Variants in MYO5C observed in about 807,000 individuals in gnomAD.
The protein encoded by MYO5C is myosin VC.
In MYO5C, 194 loss-of-function variants were observed where a neutral mutation model predicts 235.7. The observed-to-expected ratio is 0.82, with a 90% CI of 0.73 to 0.93. The LOEUF is 0.93. Ranked by LOEUF, MYO5C falls within the 40% of genes least tolerant of loss-of-function variation. MYO5C has a pLI of 0.00. For synonymous variants in MYO5C, 707 were observed against 754.8 expected (o/e 0.94, Z 1.04); for missense variants, 2,038 against 2,127.2 (o/e 0.96, Z 0.82).
intron 24 of MYO5C, among the ~76,000 whole-genome samples, chr15:52,231,972 C>T (rs577355168): frequency 2.0e-5 from 3 of 152,088 alleles, no homozygotes; most frequent in Non-Finnish European, 2.9e-5. Flanking sequence ...GACAAACTAA[C>T]AAGGACAATA....
chr15:52,257,425 A>T (rs1052290459), intron 10 of MYO5C, among the ~76,000 whole-genome samples: 1 of 152,204 alleles, frequency 6.6e-6, no homozygotes, highest in Non-Finnish European at 1.5e-5. Context: ...CTCCTGCCGG[A>T]TGTAGCCATG....
intron 1 of MYO5C, among the ~76,000 whole-genome samples, chr15:52,285,428 TCTCC>T (rs1566995051): frequency 1.8e-5 from 2 of 110,568 alleles, no homozygotes; most frequent in Admixed American, 1.6e-4. Context: ...CTCCTCTCCC[TCTCC>T]CTCTCCCTCT....
At position 52,289,700 on chromosome 15, in the gene MYO5C, ACT is replaced by A. The variant is rs1050734898; in HGVS notation, c.27+5908_27+5909del. ...GCACGAGGTTTCTTTGGGCAGACAG[ACT>A]CTCTCATCCGTACTTGATTGGAATT... is the stretch of plus-strand genomic sequence containing the variant. On this transcript the variant is annotated intron_variant, in intron 1 of 40. Transcript: ENST00000261839. 4.0e-5 allele frequency among the ~76,000 whole-genome samples: 6 copies of A among 151,080 alleles called. 1 individual carries two copies. The highest frequency in any genetic ancestry group is 3.0e-5 in the Non-Finnish European group (2 of 67,782).
chr15:52,245,612 G>C, intron 17 of MYO5C, 147 bp from the exon 18 acceptor site: 1 of 674,036 alleles, frequency 1.5e-6, no homozygotes, highest in African/African-American at 1.8e-5. Flanking sequence ...TTGATACCCT[G>C]CCTGCCTGGG....
At chr15:52,270,004 T>C in intron 7 of MYO5C, 144 bp from the exon 8 acceptor site, 1 of 624,684 alleles carries the variant, frequency 1.6e-6, no homozygotes, top group Non-Finnish European at 2.8e-6. Context: ...GAACTCTGCA[T>C]TACAGCCAGG....
At position 52,279,015 on chromosome 15, in the gene MYO5C, T is replaced by C; in HGVS notation, c.307A>G (p.Ile103Val). Residue 103 changes from isoleucine to valine, a missense_variant and splice_region_variant, in exon 4 of 41, where the codon ATC becomes GTC. Physicochemically the swap from Ile to Val is conservative, Grantham distance 29 (BLOSUM62 3). Transcript: ENST00000261839. The part of the protein sequence containing the change: ...ESKLIYTYSG[I>V]ILVAMNPYKQ... ...TAAGGATTCATGGCCACCAAAATGATTCCTGGGGAAAGATGTTAGATGCAG... is the reference window on the plus strand; with the variant it reads ...TAAGGATTCATGGCCACCAAAATGACTCCTGGGGAAAGATGTTAGATGCAG... The C allele has an allele frequency of 6.2e-7, 1 of 1,611,418 alleles. No homozygotes were observed. Among genetic ancestry groups the C allele is most frequent in the Non-Finnish European group, 8.5e-7 (1 of 1,177,888 alleles).
At chr15:52,239,043 C>T (rs575645993) in intron 21 of MYO5C, among the ~76,000 whole-genome samples, 67 of 152,106 alleles carry the variant, frequency 4.4e-4, no homozygotes, top group Non-Finnish European at 8.2e-4. Flanking sequence ...CCTCTGCCTC[C>T]CAGGTTCAAG....
intron 8 of MYO5C, among the ~76,000 whole-genome samples, chr15:52,264,783 G>A (rs2036767398): frequency 6.6e-6 from 1 of 152,192 alleles, no homozygotes; most frequent in Non-Finnish European, 1.5e-5. Flanking sequence ...GCCTTTGGTT[G>A]GGTTTGATTC....
chr15:52,237,774 T>C (rs921214323), intron 21 of MYO5C, 128 bp from the exon 22 acceptor site: 3 of 812,490 alleles, frequency 3.7e-6, no homozygotes, highest in African/African-American at 3.4e-5. Flanking sequence ...CACTTATCAC[T>C]GCACTGACAT....
chr15:52,202,308 C>T (rs7181736), intron 38 of MYO5C, among the ~76,000 whole-genome samples: 7,462 of 152,100 alleles, frequency 0.049, 233 homozygotes, highest in African/African-American at 0.087. Flanking sequence ...ACCCGGGAGG[C>T]GAAGGTTGCA....
rs1479500232 is a variant in MYO5C, at chr15:52,246,784, C to A, written c.1979+133G>T. On this transcript the variant is annotated intron_variant, in intron 16 of 40. Transcript: ENST00000261839. ...CTGAGCTAACATTTTATGTAAAGGGCAGCATTGTTCTGAATCATTAAAAAA... is the reference window on the plus strand; with the variant it reads ...CTGAGCTAACATTTTATGTAAAGGGAAGCATTGTTCTGAATCATTAAAAAA... 7.6e-5 allele frequency: 48 copies of A among 629,448 alleles called. No homozygotes were observed. The East Asian group carries it at 1.2e-3, about 16-fold the overall frequency. 39.0% of individuals were successfully genotyped at this position (629,448 alleles called of 1,614,324 possible). A position where few individuals can be genotyped will look rare whatever the true frequency, so the allele number is the denominator to read the frequency against.
At chr15:52,202,415 T>A (rs1002390888) in intron 38 of MYO5C, among the ~76,000 whole-genome samples, 2 of 151,928 alleles carry the variant, frequency 1.3e-5, no homozygotes, top group African/African-American at 4.8e-5. Flanking sequence ...TTCCACCTGG[T>A]GGAAGGGAAA....
intron 1 of MYO5C, among the ~76,000 whole-genome samples, chr15:52,285,392 TCTC>T (rs1197330481): frequency 1.4e-5 from 2 of 139,216 alleles, no homozygotes; most frequent in African/African-American, 5.4e-5. Context: ...ACAAACAGGC[TCTC>T]GCTCTCCCTC....
chr15:52,197,151 A>G (rs866353223), intron 38 of MYO5C, among the ~76,000 whole-genome samples: 1 of 152,236 alleles, frequency 6.6e-6, no homozygotes, highest in African/African-American at 2.4e-5. Context: ...TACTCAAGAG[A>G]AGTGAAAGCA....
At chr15:52,245,149 C>T (rs2036310511) in intron 18 of MYO5C, among the ~76,000 whole-genome samples, 4 of 152,178 alleles carry the variant, frequency 2.6e-5, no homozygotes, top group Admixed American at 2.0e-4. Flanking sequence ...GGCCGGAGTT[C>T]GGATGTGGGT....
intron 29 of MYO5C, among the ~76,000 whole-genome samples, 174 bp from the exon 30 acceptor site, chr15:52,221,429 T>C (rs1354925031): frequency 6.6e-6 from 1 of 152,136 alleles, no homozygotes; most frequent in Non-Finnish European, 1.5e-5. Flanking sequence ...TCAAAACCTA[T>C]ATAGTCTCAG....
chr15:52,276,562 A>T (rs886220883), intron 4 of MYO5C, among the ~76,000 whole-genome samples: 1 of 152,170 alleles, frequency 6.6e-6, no homozygotes, highest in Non-Finnish European at 1.5e-5. Flanking sequence ...AGGTAAAATG[A>T]GCCACTTTTT....
chr15:52,239,206 C>T (rs955120244), intron 21 of MYO5C, among the ~76,000 whole-genome samples: 4 of 152,206 alleles, frequency 2.6e-5, no homozygotes, highest in Non-Finnish European at 5.9e-5. Flanking sequence ...CCCCCATGGC[C>T]TCCCAAAGTG....
chr15:52,200,143 G>A (rs1394996499), intron 38 of MYO5C, among the ~76,000 whole-genome samples: 2 of 152,120 alleles, frequency 1.3e-5, no homozygotes, highest in Non-Finnish European at 2.9e-5. Context: ...GACCCAAAGA[G>A]CACCACAAAA....
Sources: allele counts gnomAD v4.1 joint callset (sites outside exome capture counted in the v4.1 genomes callset), GRCh38; gene constraint gnomAD v4.1.1; transcripts MANE v1.5; gene names NCBI Gene and HGNC (gene_info 2026-07-23, HGNC 2026-07-21).